GRM8: variants seen among roughly 807,000 people sequenced by gnomAD.
GRM8 encodes metabotropic glutamate receptor 8.
A neutral mutation model predicts 87.2 loss-of-function variants in GRM8; 47 were observed. That is an observed-to-expected ratio of 0.54 (90% CI 0.43 to 0.69). The LOEUF is 0.69. Among genes scored for constraint, GRM8 ranks in the 30% least tolerant of loss-of-function variants. The pLI is 0.00. For missense variants in GRM8, 1,019 were observed against 1,139.2 expected (o/e 0.89, Z 1.52); for synonymous variants, 396 against 404.5 (o/e 0.98, Z 0.25).
intron 7 of GRM8, among the ~76,000 whole-genome samples, chr7:126,648,309 T>C (rs1803409066): frequency 6.6e-6 from 1 of 152,214 alleles, no homozygotes. Flanking sequence ...CCTCCCTATC[T>C]GTCTGATTTT....
intron 8 of GRM8, among the ~76,000 whole-genome samples, chr7:126,575,689 T>A (rs949604686): frequency 6.6e-6 from 1 of 152,178 alleles, no homozygotes; most frequent in African/African-American, 2.4e-5. Flanking sequence ...AGAAACATTA[T>A]CCTTGTTTAC....
At chr7:126,928,893 G>T (rs916084441) in intron 3 of GRM8, among the ~76,000 whole-genome samples, 1 of 152,148 alleles carries the variant, frequency 6.6e-6, no homozygotes, top group Non-Finnish European at 1.5e-5. Flanking sequence ...ACGTATTCAA[G>T]GGTGATGCAG....
At chr7:127,037,851 G>C (rs542876236) in intron 3 of GRM8, among the ~76,000 whole-genome samples, 3 of 151,988 alleles carry the variant, frequency 2.0e-5, no homozygotes, top group African/African-American at 7.2e-5. Flanking sequence ...GTGTGTGTGT[G>C]TGTGTGTGTG....
intron 9 of GRM8, among the ~76,000 whole-genome samples, chr7:126,481,179 C>T (rs1211968306): frequency 6.6e-6 from 1 of 151,844 alleles, no homozygotes; most frequent in Admixed American, 6.6e-5. Flanking sequence ...AAGCTTTTCC[C>T]TTAAAGGATA....
intron 7 of GRM8, among the ~76,000 whole-genome samples, chr7:126,616,369 TA>T: frequency 6.6e-6 from 1 of 152,246 alleles, no homozygotes; most frequent in Non-Finnish European, 1.5e-5. Flanking sequence ...GGGACACATT[TA>T]AAGCAGTGTG....
chr7:126,555,533 T>C (rs193192590), intron 8 of GRM8, among the ~76,000 whole-genome samples: 3 of 144,564 alleles, frequency 2.1e-5, no homozygotes, highest in African/African-American at 7.3e-5. Flanking sequence ...ATACCTGCAT[T>C]TACTATATTT....
At chr7:126,905,632 C>A (rs927768121) in intron 3 of GRM8, among the ~76,000 whole-genome samples, 20 of 152,256 alleles carry the variant, frequency 1.3e-4, no homozygotes, top group Middle Eastern at 3.4e-3. Flanking sequence ...AGTCATCCAA[C>A]TGTTATTGGA....
intron 6 of GRM8, among the ~76,000 whole-genome samples, chr7:126,890,519 A>G (rs1800896848): frequency 6.6e-6 from 1 of 152,014 alleles, no homozygotes; most frequent in Non-Finnish European, 1.5e-5. Flanking sequence ...ACAAGTCAAT[A>G]TTATTCTTCC....
chr7:126,898,743 C>T (rs1352667840), intron 6 of GRM8, among the ~76,000 whole-genome samples: 4 of 152,146 alleles, frequency 2.6e-5, no homozygotes, highest in African/African-American at 9.7e-5. Context: ...CAGCTACATA[C>T]CTCAACTGAA....
At position 126,453,897 on chromosome 7, in the gene GRM8, C is replaced by A. The variant is rs567070784; in HGVS notation, c.2431-7525G>T. 1.8e-4 allele frequency among the ~76,000 whole-genome samples: 27 copies of A among 151,820 alleles called. No homozygotes were observed. The Middle Eastern group carries it at 0.014, about 77-fold the overall frequency. ...TGAAAATTAATACAAGGTGTCTACT[C>A]TCTCAGTGCTTATTAATTCCTCCTT... is the stretch of plus-strand genomic sequence containing the variant. On this transcript the variant is annotated intron_variant, in intron 9 of 10. Coordinates refer to ENST00000339582, the MANE Select transcript of GRM8 (RefSeq NM_000845.3).
rs114331601 is a variant in GRM8, at chr7:126,852,251, G to A, written c.1156+50291C>T. Among the ~76,000 whole-genome samples the A allele has an allele frequency of 3.8e-3, 583 of 152,218 alleles. 5 individuals carry two copies. The highest frequency in any genetic ancestry group is 0.013 in the African/African-American group (555 of 41,554). On this transcript the variant is annotated intron_variant, in intron 6 of 10. Coordinates refer to ENST00000339582, the MANE Select transcript of GRM8 (RefSeq NM_000845.3). ...TGTTTCTGTGTATCCCAGATCCTAG[G>A]CAGCCAGGCCCAGCATGAGCCATAA...
chr7:126,676,030 C>A (rs1806919806), intron 7 of GRM8, among the ~76,000 whole-genome samples: 1 of 152,172 alleles, frequency 6.6e-6, no homozygotes. Context: ...TTGATAAATT[C>A]ACTGAAGTCT....
intron 3 of GRM8, among the ~76,000 whole-genome samples, chr7:126,955,912 T>C (rs1000792929): frequency 1.3e-5 from 2 of 152,168 alleles, no homozygotes; most frequent in African/African-American, 4.8e-5. Context: ...CTAGTGATTA[T>C]AGGACTTCTT....
At chr7:126,833,348 C>G (rs1480486202) in intron 6 of GRM8, among the ~76,000 whole-genome samples, 1 of 152,208 alleles carries the variant, frequency 6.6e-6, no homozygotes, top group Non-Finnish European at 1.5e-5. Flanking sequence ...TATTCCCACC[C>G]TCAAGAATAA....
At chr7:127,210,395 G>C (rs948755539) in intron 2 of GRM8, among the ~76,000 whole-genome samples, 2 of 152,136 alleles carry the variant, frequency 1.3e-5, no homozygotes, top group African/African-American at 4.8e-5. Context: ...AAAAGGTTTT[G>C]GCTCAGTACA....
intron 3 of GRM8, among the ~76,000 whole-genome samples, chr7:127,059,142 G>A (rs1820326771): frequency 6.6e-6 from 1 of 152,078 alleles, no homozygotes; most frequent in Non-Finnish European, 1.5e-5. Flanking sequence ...TTGCCAAGAA[G>A]ATCCTATAGG....
At chr7:127,154,973 G>A (rs1438410373) in intron 2 of GRM8, among the ~76,000 whole-genome samples, 1 of 152,044 alleles carries the variant, frequency 6.6e-6, no homozygotes, top group African/African-American at 2.4e-5. Context: ...ACAAATATTA[G>A]AATTAAAGGC....
chr7:126,556,673 A>G (rs970065027), intron 8 of GRM8, among the ~76,000 whole-genome samples: 1 of 152,138 alleles, frequency 6.6e-6, no homozygotes. Flanking sequence ...TGTGTCCACA[A>G]TTTTGATTAG....
chr7:126,795,420 A>C (rs1177461412), intron 6 of GRM8, among the ~76,000 whole-genome samples: 1 of 152,178 alleles, frequency 6.6e-6, no homozygotes, highest in Non-Finnish European at 1.5e-5. Context: ...CATAAGACTC[A>C]TCTTTTTAAA....
Sources: gnomAD v4.1 joint callset for allele counts (sites outside exome capture counted in the v4.1 genomes callset) on GRCh38, gnomAD v4.1.1 for gene constraint, MANE v1.5 for transcripts, NCBI Gene and HGNC (gene_info 2026-07-23, HGNC 2026-07-21) for gene names.